UBE4B: variants seen among roughly 807,000 people sequenced by gnomAD.
UBE4B encodes the protein ubiquitin conjugation factor E4 B.
Under a neutral mutation model 148.1 loss-of-function variants are expected in UBE4B, and 27 were observed. That is an observed-to-expected ratio of 0.18 (90% CI 0.13 to 0.25). The LOEUF is 0.25. Ranked by LOEUF, UBE4B falls within the 10% of genes least tolerant of loss-of-function variation. The pLI is 1.00. For synonymous variants in UBE4B, 596 were observed against 619.3 expected (o/e 0.96, Z 0.56); for missense variants, 1,170 against 1,662.4 (o/e 0.70, Z 5.15).
chr1:10,102,971 G>A lies in UBE4B; in HGVS notation c.459G>A (p.Val153=). Residue 153 remains valine (V), a synonymous_variant, in exon 5 of 28, where the codon GTG becomes GTA. Transcript: ENST00000343090. The part of the protein sequence containing the change: ...SDKEPSSGPE[V]SEEQALQLVC... Reference sequence around the variant, plus strand: ...AGGAGCCTTCCTCGGGCCCTGAAGTGTCTGAAGAGCAGGCCTTACAGCTGG... The same window carrying A: ...AGGAGCCTTCCTCGGGCCCTGAAGTATCTGAAGAGCAGGCCTTACAGCTGG... 6.2e-7 allele frequency: 1 copy of A among 1,612,790 alleles called. No individual in the cohort carries two copies. Among genetic ancestry groups the A allele is most frequent in the Non-Finnish European group, 8.5e-7 (1 of 1,179,076 alleles).
At chr1:10,117,350 C>T (rs1645329456) in intron 7 of UBE4B, 109 bp from the exon 8 acceptor site, 2 of 1,429,370 alleles carry the variant, frequency 1.4e-6, no homozygotes, top group Non-Finnish European at 1.9e-6. Flanking sequence ...GGTGTTTGTG[C>T]TTTGTTATGT....
chr1:10,109,358 A>T (rs751817356), intron 7 of UBE4B, among the ~76,000 whole-genome samples: 4 of 152,012 alleles, frequency 2.6e-5, no homozygotes, highest in African/African-American at 7.3e-5. Context: ...CTTGTTCCTT[A>T]CTACTGTTTT....
rs541462965 is a variant in UBE4B at position 10,093,828 on chromosome 1, G to A, written c.212-1633G>A. Among the ~76,000 whole-genome samples the A allele has an allele frequency of 3.9e-5, 6 of 151,964 alleles. No individual in the cohort carries two copies. The South Asian group carries it at 1.2e-3, about 32-fold the overall frequency. ...TCCTGCCTGAACCTCCCAAGTAGCT[G>A]GGATTATAGGAGTGGGCCACCACGC... On this transcript the variant is annotated intron_variant, in intron 2 of 27. Coordinates refer to ENST00000343090, the MANE Select transcript of UBE4B (RefSeq NM_001105562.3).
chr1:10,060,524 C>T (rs765366850), intron 1 of UBE4B, among the ~76,000 whole-genome samples: 1 of 152,112 alleles, frequency 6.6e-6, no homozygotes, highest in Non-Finnish European at 1.5e-5. Context: ...TCTCTGACTT[C>T]CCCAGGAGAG....
chr1:10,086,196 C>A (rs373028117), intron 2 of UBE4B, among the ~76,000 whole-genome samples: 3 of 152,160 alleles, frequency 2.0e-5, no homozygotes, highest in African/African-American at 4.8e-5. Flanking sequence ...TGGTCTCGAT[C>A]TCCTGACCTC....
chr1:10,094,301 A>G (rs575332854), intron 2 of UBE4B, among the ~76,000 whole-genome samples: 26 of 152,098 alleles, frequency 1.7e-4, no homozygotes, highest in Non-Finnish European at 8.8e-5. Flanking sequence ...GGATCGATCT[A>G]TATCAAAGGA....
rs1646280786 is a variant in UBE4B, at chr1:10,168,039, T to C, written c.3199-97T>C. The C allele has an allele frequency of 1.3e-5, 19 of 1,414,242 alleles. No individual in the cohort carries two copies. The highest frequency in any genetic ancestry group is 2.5e-5 in the East Asian group (1 of 39,690). 87.6% of individuals were successfully genotyped at this position (1,414,242 alleles called of 1,614,324 possible). On this transcript the variant is annotated intron_variant, in intron 23 of 27. Coordinates refer to ENST00000343090, the MANE Select transcript of UBE4B (RefSeq NM_001105562.3). The surrounding 1 kb of genome is among the most constrained non-coding windows in gnomAD (Gnocchi z 4.9). Reference sequence around the variant, plus strand: ...GCGGTTCTGTCATTCCCTAAGCATGTTGGGTTTATCACGCACTTTCCAGTT... The same window carrying C: ...GCGGTTCTGTCATTCCCTAAGCATGCTGGGTTTATCACGCACTTTCCAGTT...
chr1:10,148,836 A>G (rs966335034), intron 19 of UBE4B, among the ~76,000 whole-genome samples: 3 of 151,852 alleles, frequency 2.0e-5, no homozygotes, highest in African/African-American at 7.3e-5. Flanking sequence ...GCTATTCGGG[A>G]GGCTGAGACA....
rs1310858685 is a variant in UBE4B, at chr1:10,121,638, CCCA to C, written c.1440-321_1440-319del. Among the ~76,000 whole-genome samples, 3 of 152,030 alleles carry C rather than the reference CCCA, an allele frequency of 2.0e-5. No homozygotes were observed. In the East Asian group the frequency reaches 5.8e-4, roughly 29 times the overall value. On this transcript the variant is annotated intron_variant, in intron 9 of 27. Coordinates refer to ENST00000343090, the MANE Select transcript of UBE4B (RefSeq NM_001105562.3). ...TCAACTCTGGGCCTCAAGTGATCCT[CCCA>C]CCTCAGCCTGCCAAAGTGCTGGTAT... is the stretch of plus-strand genomic sequence containing the variant.
chr1:10,095,691 C>T (rs1466849957), intron 3 of UBE4B, 95 bp downstream of exon 3: 1 of 1,465,964 alleles, frequency 6.8e-7, no homozygotes, highest in African/African-American at 1.4e-5. Flanking sequence ...GAAATGCCAG[C>T]TAGAGACCCA....
chr1:10,045,071 C>A (rs921074152), intron 1 of UBE4B, among the ~76,000 whole-genome samples: 2 of 152,146 alleles, frequency 1.3e-5, no homozygotes, highest in African/African-American at 4.8e-5. Flanking sequence ...CAATGTAGAT[C>A]CCTCGCGTGC....
Position 10,146,599 on chromosome 1 carries a change from G to A in UBE4B, c.2464-364G>A, listed in dbSNP as rs146476423. ...TGCCCGAGGGCAGCTCGTAAGAGGCGACACTGGAATTCAGACACTGATTGT... is the reference window on the plus strand; with the variant it reads ...TGCCCGAGGGCAGCTCGTAAGAGGCAACACTGGAATTCAGACACTGATTGT... On this transcript the variant is annotated intron_variant, in intron 18 of 27. Transcript: ENST00000343090. 4.8e-3 allele frequency among the ~76,000 whole-genome samples: 733 copies of A among 152,222 alleles called. 9 individuals are homozygous for A. The highest frequency in any genetic ancestry group is 0.017 in the African/African-American group (688 of 41,530).
Position 10,181,110 on chromosome 1 carries a change from G to A in UBE4B, c.*1154G>A, listed in dbSNP as rs1455003151. 2 of 151,590 alleles carry A rather than the reference G, an allele frequency of 1.3e-5. No individual in the cohort carries two copies. The highest frequency in any genetic ancestry group is 3.9e-4 in the East Asian group (2 of 5,178). The allele number at this position is 151,590 out of a possible 1,614,324, so 9.4% of individuals were successfully genotyped here. On this transcript the variant is annotated 3_prime_UTR_variant, in exon 28 of 28. Transcript: ENST00000343090. Reference sequence around the variant, plus strand: ...AAAAAAGGATTTGAAACCATAAAGTGTTCTGAAGAAATTAAGTCTATAAAA... The same window carrying A: ...AAAAAAGGATTTGAAACCATAAAGTATTCTGAAGAAATTAAGTCTATAAAA...
intron 1 of UBE4B, among the ~76,000 whole-genome samples, chr1:10,067,198 A>C (rs1396069073): frequency 1.3e-5 from 2 of 152,090 alleles, no homozygotes; most frequent in Non-Finnish European, 2.9e-5. Context: ...GTTCATCAGG[A>C]ACGTGAGGGT....
chr1:10,078,694 AGAG>A (rs1471574817), intron 2 of UBE4B, among the ~76,000 whole-genome samples: 1 of 152,186 alleles, frequency 6.6e-6, no homozygotes, highest in Non-Finnish European at 1.5e-5. Flanking sequence ...TGACCTCTGA[AGAG>A]GAGGTCATGA....
At position 10,171,282 on chromosome 1, in the gene UBE4B, T is replaced by G; in HGVS notation, c.3478T>G (p.Leu1160Val). 1 of 1,614,236 alleles carries G rather than the reference T, an allele frequency of 6.2e-7. No homozygotes were observed. Among genetic ancestry groups the G allele is most frequent in the Non-Finnish European group, 8.5e-7 (1 of 1,180,040 alleles). Residue 1160 changes from leucine (L) to valine (V), a missense_variant, in exon 25 of 28, where the codon TTA becomes GTA. Coordinates refer to ENST00000343090, the MANE Select transcript of UBE4B (RefSeq NM_001105562.3). ...KLLDQLTDIY[L>V]QLDCARFAKA... ...GTTGGACCAACTGACGGATATTTAC[T>G]TACAGCTGGACTGTGCTCGGTTCGC...
intron 1 of UBE4B, among the ~76,000 whole-genome samples, chr1:10,034,398 C>T (rs1433285761): frequency 2.0e-5 from 3 of 152,138 alleles, no homozygotes; most frequent in South Asian, 2.1e-4. Context: ...TCTAAACTCT[C>T]TCCTGTTCTC....
chr1:10,106,141 A>G lies in UBE4B; in HGVS notation c.810-56A>G. ...TTGATATTTTCTGTTTTAGTTAGTTATCTCAAGTTTTTCTTTGATTTTTCT... is the reference window on the plus strand; with the variant it reads ...TTGATATTTTCTGTTTTAGTTAGTTGTCTCAAGTTTTTCTTTGATTTTTCT... On this transcript the variant is annotated intron_variant, in intron 6 of 27. Coordinates refer to ENST00000343090, the MANE Select transcript of UBE4B (RefSeq NM_001105562.3). This position sits in a 1 kb window ranked among gnomAD's most constrained non-coding sequence, Gnocchi z 4.2. The G allele has an allele frequency of 6.6e-7, 1 of 1,510,292 alleles. No individual in the cohort carries two copies. The highest frequency in any genetic ancestry group is 8.9e-7 in the Non-Finnish European group (1 of 1,126,764). 93.6% of individuals were successfully genotyped at this position (1,510,292 alleles called of 1,614,324 possible). A position where few individuals can be genotyped will look rare whatever the true frequency, so the allele number is the denominator to read the frequency against.
chr1:10,033,783 C>T (rs769112870), intron 1 of UBE4B, 89 bp downstream of exon 1: 38 of 1,335,936 alleles, frequency 2.8e-5, no homozygotes, highest in South Asian at 1.3e-4. Context: ...GCTGTCTGGC[C>T]TTTGGGCTTG....
Sources: gnomAD v4.1 joint callset for allele counts (sites outside exome capture counted in the v4.1 genomes callset) on GRCh38, gnomAD v4.1.1 for gene constraint, Gnocchi (gnomAD v3.1) non-coding constraint, MANE v1.5 for transcripts, NCBI Gene and HGNC (gene_info 2026-07-23, HGNC 2026-07-21) for gene names.